The following RASGRP3 variants were observed in gnomAD, a reference collection of about 807,000 sequenced individuals.
RASGRP3 encodes RAS guanyl releasing protein 3, also known as ras guanyl-releasing protein 3.
A neutral mutation model predicts 82.7 loss-of-function variants in RASGRP3; 54 were observed. The ratio of observed to expected loss-of-function variants is 0.65; its 90% CI spans 0.52 to 0.82. The LOEUF (loss-of-function observed/expected upper bound fraction) is 0.82. Ranked by LOEUF, RASGRP3 falls within the 40% of genes least tolerant of loss-of-function variation. The pLI is 0.00. For synonymous variants in RASGRP3, 309 were observed against 300.5 expected (o/e 1.03, Z -0.29); for missense variants, 861 against 828.9 (o/e 1.04, Z -0.48).
intron 8 of RASGRP3, 122 bp downstream of exon 8, chr2:33,524,174 G>A: frequency 1.7e-6 from 2 of 1,158,610 alleles, no homozygotes; most frequent in Non-Finnish European, 2.5e-6. Flanking sequence ...ACTACTCGCT[G>A]ATATCTAATG....
chr2:33,543,483 T>G, intron 12 of RASGRP3, 29 bp from the exon 13 acceptor site: 1 of 1,408,418 alleles, frequency 7.1e-7, no homozygotes, highest in Middle Eastern at 1.8e-4. Context: ...CTTATAGTCA[T>G]TCAATAAATA....
At chr2:33,518,936 A>G (rs953519669) in intron 4 of RASGRP3, among the ~76,000 whole-genome samples, 1 of 152,228 alleles carries the variant, frequency 6.6e-6, no homozygotes, top group Non-Finnish European at 1.5e-5. Context: ...GAACCTGCTG[A>G]GGCTGTTTTA....
In RASGRP3 at chr2:33,563,039, A is replaced by G. The variant is rs1412382480; in HGVS notation, c.*302A>G. The G allele has an allele frequency of 8.0e-6, 3 of 375,670 alleles. No individual in the cohort carries two copies. The highest frequency in any genetic ancestry group is 8.6e-5 in the East Asian group (2 of 23,354). The allele number at this position is 375,670 out of a possible 1,614,324, so 23.3% of individuals were successfully genotyped here. A position where few individuals can be genotyped will look rare whatever the true frequency, so the allele number is the denominator to read the frequency against. On this transcript the variant is annotated 3_prime_UTR_variant, in exon 18 of 18. Transcript: ENST00000403687. ...TCTAGACCATTTATATACGGGTGAA[A>G]TGAAAGCTTTTTTGCATGTACTTGA...
Position 33,559,017 on chromosome 2 carries a change from G to C in RASGRP3, c.2051G>C (p.Arg684Thr), listed in dbSNP as rs767246316. 1.2e-6 allele frequency: 2 copies of C among 1,607,452 alleles called. No homozygotes were observed. The highest frequency in any genetic ancestry group is 8.5e-7 in the Non-Finnish European group (1 of 1,177,278). ...ELDQDEGEET[R>T]QDGEDG is the part of the protein sequence containing the mutation. ...GACCAGGATGAAGGAGAAGAGACCA[G>C]ACAGGATGGTGAGGTAAGTGCTAGG... Residue 684 changes from arginine (R) to threonine (T), a missense_variant, in exon 17 of 18, where the codon AGA becomes ACA. By Grantham distance (71) the Arg-to-Thr change is moderately conservative. Coordinates refer to ENST00000403687, the MANE Select transcript of RASGRP3 (RefSeq NM_001139488.2).
At chr2:33,561,110 A>T (rs1676600509) in intron 17 of RASGRP3, among the ~76,000 whole-genome samples, 1 of 150,702 alleles carries the variant, frequency 6.6e-6, no homozygotes, top group Non-Finnish European at 1.5e-5. Context: ...TCTGTCACCC[A>T]GGGTGGAGTG....
At chr2:33,524,584 A>C in intron 9 of RASGRP3, 36 bp downstream of exon 9, 1 of 1,457,226 alleles carries the variant, frequency 6.9e-7, no homozygotes, top group Non-Finnish European at 9.4e-7. Context: ...AAGTAAAAAA[A>C]TGCATTTGTA....
chr2:33,439,861 T>A (rs1325399483), intron 1 of RASGRP3, among the ~76,000 whole-genome samples: 1 of 152,092 alleles, frequency 6.6e-6, no homozygotes, highest in African/African-American at 2.4e-5. Context: ...ATGGCGTGCA[T>A]AAGATCTGCC....
intron 2 of RASGRP3, among the ~76,000 whole-genome samples, chr2:33,471,372 G>A (rs1180754813): frequency 7.1e-6 from 1 of 140,306 alleles, no homozygotes; most frequent in East Asian, 2.0e-4. Flanking sequence ...TGTAGAGATG[G>A]AGTCTCGCTA....
In RASGRP3 at chr2:33,522,055, G is replaced by A; in HGVS notation, c.469G>A (p.Ala157Thr). ...LFDHLEPIEL[A>T]EHLTFLEHKS... ...TGACCATCTGGAGCCCATTGAATTG[G>A]CTGAGCACCTCACTTTTCTGGAGCA... The change falls in exon 7 of 18, where the codon GCT becomes ACT. Residue 157 changes from alanine to threonine, a missense_variant. By Grantham distance (58) the Ala-to-Thr change is moderately conservative. Transcript: ENST00000403687. 6.2e-7 allele frequency: 1 copy of A among 1,613,178 alleles called. No individual in the cohort carries two copies. Among genetic ancestry groups the A allele is most frequent in the Non-Finnish European group, 8.5e-7 (1 of 1,179,670 alleles).
At chr2:33,534,744 A>G (rs1673439876) in intron 11 of RASGRP3, among the ~76,000 whole-genome samples, 1 of 130,572 alleles carries the variant, frequency 7.7e-6, no homozygotes, top group Non-Finnish European at 1.6e-5. Flanking sequence ...GGATTTCACT[A>G]TGTTGGCCCC....
intron 1 of RASGRP3, among the ~76,000 whole-genome samples, chr2:33,437,573 G>A (rs2150867995): frequency 6.6e-6 from 1 of 152,290 alleles, no homozygotes. Flanking sequence ...ATCCCTGTTT[G>A]AGATTGGGAT....
At chr2:33,506,666 AT>A (rs1264115122) in intron 1 of RASGRP3, among the ~76,000 whole-genome samples, 1 of 152,252 alleles carries the variant, frequency 6.6e-6, no homozygotes, top group Non-Finnish European at 1.5e-5. Flanking sequence ...GGAAAATCCT[AT>A]TATCACATTA....
intron 2 of RASGRP3, among the ~76,000 whole-genome samples, chr2:33,471,091 T>G (rs772781367): frequency 7.2e-5 from 11 of 152,302 alleles, no homozygotes; most frequent in Middle Eastern, 3.4e-3. Flanking sequence ...GAGATTTGAA[T>G]TAACATGAGT....
At chr2:33,540,815 T>A (rs1674224998) in intron 12 of RASGRP3, among the ~76,000 whole-genome samples, 1 of 145,970 alleles carries the variant, frequency 6.9e-6, no homozygotes, top group African/African-American at 2.4e-5. Context: ...CCAAAATAGT[T>A]AACTTTTAAG....
intron 13 of RASGRP3, among the ~76,000 whole-genome samples, chr2:33,547,053 GAA>G (rs767124838): frequency 0.12 from 15,424 of 123,502 alleles, 1,060 homozygotes; most frequent in African/African-American, 0.19. Flanking sequence ...CTGTCTCAGG[GAA>G]AAAAAAAAAA....
intron 10 of RASGRP3, chr2:33,532,194 C>T (rs960443386): frequency 7.9e-5 from 12 of 152,154 alleles, no homozygotes; most frequent in African/African-American, 2.4e-4. Flanking sequence ...AAACTTTTGT[C>T]GTTGTTAGTT....
Position 33,529,240 on chromosome 2 carries a change from A to T in RASGRP3, c.1083+1828A>T, listed in dbSNP as rs551190404. On this transcript the variant is annotated intron_variant, in intron 10 of 17. Coordinates refer to ENST00000403687, the MANE Select transcript of RASGRP3 (RefSeq NM_001139488.2). Reference sequence around the variant, plus strand: ...CTGGGCGTGGTGGCTCAAGCCTGTAATTCCAGCACTTTGGGAGGCCAAGGC... The same window carrying T: ...CTGGGCGTGGTGGCTCAAGCCTGTATTTCCAGCACTTTGGGAGGCCAAGGC... Among the ~76,000 whole-genome samples the T allele has an allele frequency of 1.1e-3, 164 of 152,056 alleles. 1 individual carries two copies. Among genetic ancestry groups the T allele is most frequent in the East Asian group, 4.8e-3 (25 of 5,180 alleles).
chr2:33,468,187 G>T (rs1194987851), intron 2 of RASGRP3, among the ~76,000 whole-genome samples: 5 of 151,832 alleles, frequency 3.3e-5, no homozygotes, highest in African/African-American at 4.8e-5. Flanking sequence ...TATAGAAACA[G>T]TAGATAAATG....
intron 1 of RASGRP3, among the ~76,000 whole-genome samples, chr2:33,476,924 C>T (rs1667433743): frequency 1.7e-5 from 2 of 114,906 alleles, no homozygotes; most frequent in Non-Finnish European, 2.1e-5. Context: ...CTGTTATTTT[C>T]GGCAACGTGT....
Sources: gnomAD v4.1 joint callset for allele counts (sites outside exome capture counted in the v4.1 genomes callset) on GRCh38, gnomAD v4.1.1 for gene constraint, MANE v1.5 for transcripts, NCBI Gene and HGNC (gene_info 2026-07-23, HGNC 2026-07-21) for gene names.